The following MGLL variants were observed in gnomAD, a reference collection of about 807,000 sequenced individuals.
MGLL encodes lysophospholipase homolog.
Under a neutral mutation model 29.1 loss-of-function variants are expected in MGLL, and 7 were observed. The observed-to-expected ratio is 0.24, with a 90% CI of 0.14 to 0.45. The LOEUF is 0.45. MGLL is among the 20% of genes least tolerant of loss of function. MGLL has a pLI of 0.99. For synonymous variants in MGLL, 148 were observed against 168.3 expected, an observed-to-expected ratio of 0.88 and a Z score of 0.93; for missense variants, 356 against 413.6, an observed-to-expected ratio of 0.86 and a Z score of 1.21.
chr3:127,813,080 G>T (rs764977712), intron 2 of MGLL, among the ~76,000 whole-genome samples: 2 of 152,300 alleles, frequency 1.3e-5, no homozygotes, highest in Non-Finnish European at 2.9e-5. Context: ...AATGACCTGG[G>T]AAAATTGACA....
Position 127,691,936 on chromosome 3 carries a change from T to C in MGLL, c.*262A>G, listed in dbSNP as rs1455341382. 4.0e-6 allele frequency: 2 copies of C among 493,884 alleles called. No individual in the cohort carries two copies. Among genetic ancestry groups the C allele is most frequent in the Non-Finnish European group, 7.2e-6 (2 of 277,114 alleles). 30.6% of individuals were successfully genotyped at this position (493,884 alleles called of 1,614,324 possible). On this transcript the variant is annotated 3_prime_UTR_variant, in exon 8 of 8. Coordinates refer to ENST00000265052, the MANE Select transcript of MGLL (RefSeq NM_007283.7). ...GGCTTGGCTTTGTTTTCAGTGGACA[T>C]TTTAGCACATTCTTTGTGGAAAATC...
upstream of MGLL, chr3:127,822,573 C>T: frequency 1.8e-6 from 1 of 541,160 alleles, no homozygotes; most frequent in Non-Finnish European, 3.3e-6. Flanking sequence ...ACTACTAGTT[C>T]ATGTCATCAC....
chr3:127,762,385 T>C (rs953280153), intron 3 of MGLL, among the ~76,000 whole-genome samples: 9 of 152,118 alleles, frequency 5.9e-5, no homozygotes, highest in African/African-American at 2.2e-4. Flanking sequence ...CAAGACAGAC[T>C]CTGCCCATTC....
At chr3:127,775,527 T>C (rs1237753656) in intron 3 of MGLL, among the ~76,000 whole-genome samples, 1 of 152,058 alleles carries the variant, frequency 6.6e-6, no homozygotes, top group African/African-American at 2.4e-5. Flanking sequence ...GAACCACGCG[T>C]AACTGCCGCC....
intron 3 of MGLL, among the ~76,000 whole-genome samples, chr3:127,745,710 C>G (rs1424598757): frequency 1.3e-5 from 2 of 152,130 alleles, no homozygotes; most frequent in Non-Finnish European, 2.9e-5. Context: ...AAAAAGAAAG[C>G]CTGCTTCAGG....
At chr3:127,821,318 A>T (rs568567243) in intron 2 of MGLL, among the ~76,000 whole-genome samples, 1 of 152,292 alleles carries the variant, frequency 6.6e-6, no homozygotes, top group African/African-American at 2.4e-5. Context: ...GTGAAGATAT[A>T]TGTATTACTT....
chr3:127,808,054 C>A (rs1238422038), intron 2 of MGLL, among the ~76,000 whole-genome samples: 1 of 152,132 alleles, frequency 6.6e-6, no homozygotes, highest in Non-Finnish European at 1.5e-5. Flanking sequence ...GCCACCATGC[C>A]TGGACGAAAA....
chr3:127,747,387 A>C (rs1407933238), intron 3 of MGLL, among the ~76,000 whole-genome samples: 2 of 152,002 alleles, frequency 1.3e-5, no homozygotes, highest in Non-Finnish European at 2.9e-5. Flanking sequence ...TAGAGGTCCA[A>C]CTCCAGTGTT....
chr3:127,785,037 G>A (rs2077189664), intron 2 of MGLL, among the ~76,000 whole-genome samples: 1 of 152,138 alleles, frequency 6.6e-6, no homozygotes, highest in Non-Finnish European at 1.5e-5. Flanking sequence ...TTTAACAACT[G>A]GGGGTGGGGG....
chr3:127,766,480 C>G (rs990490867), intron 3 of MGLL, among the ~76,000 whole-genome samples: 1 of 152,208 alleles, frequency 6.6e-6, no homozygotes, highest in South Asian at 2.1e-4. Context: ...CCAAACCCCT[C>G]TCTTGAGTGG....
chr3:127,691,412 T>C lies in MGLL; in HGVS notation c.*786A>G, dbSNP rs895227344. The C allele has an allele frequency of 2.6e-5, 4 of 152,276 alleles. No individual in the cohort carries two copies. The highest frequency in any genetic ancestry group is 5.9e-5 in the Non-Finnish European group (4 of 68,076). 9.4% of individuals were successfully genotyped at this position (152,276 alleles called of 1,614,324 possible). On this transcript the variant is annotated 3_prime_UTR_variant, in exon 8 of 8. Coordinates refer to ENST00000265052, the MANE Select transcript of MGLL (RefSeq NM_007283.7). Reference sequence around the variant, plus strand: ...TATATTAGACATTTCATCTTCAATATGATTCTCTCATAGCATCAGGTAAAA... The same window carrying C: ...TATATTAGACATTTCATCTTCAATACGATTCTCTCATAGCATCAGGTAAAA...
intron 3 of MGLL, among the ~76,000 whole-genome samples, chr3:127,731,153 T>C (rs1022536574): frequency 6.6e-6 from 1 of 152,198 alleles, no homozygotes; most frequent in Non-Finnish European, 1.5e-5. Flanking sequence ...GCATCTGTAA[T>C]GAGAATTCTT....
At chr3:127,705,789 A>AAAAGAAG (rs1002222113) in intron 6 of MGLL, among the ~76,000 whole-genome samples, 1 of 151,192 alleles carries the variant, frequency 6.6e-6, no homozygotes, top group African/African-American at 2.4e-5. Context: ...AAAAAAAAAA[A>AAAAGAAG]AAGAAGAAGA....
chr3:127,742,576 C>T lies in MGLL; in HGVS notation c.263-20010G>A, dbSNP rs376376709. 1.2e-3 allele frequency among the ~76,000 whole-genome samples: 132 copies of T among 111,684 alleles called. 1 individual carries two copies. The highest frequency in any genetic ancestry group is 4.5e-3 in the African/African-American group (123 of 27,238). 73.3% of individuals were successfully genotyped at this position (111,684 alleles called of 152,430 possible). A position where few individuals can be genotyped will look rare whatever the true frequency, so the allele number is the denominator to read the frequency against. On this transcript the variant is annotated intron_variant, in intron 3 of 7. Transcript: ENST00000265052. ...CTGCACTCCAGCCTGGGAGACAGAG[C>T]GAGACTCCGTCCCAAAAAAAAAAAA...
At chr3:127,748,167 G>A (rs1050100082) in intron 3 of MGLL, among the ~76,000 whole-genome samples, 34 of 152,166 alleles carry the variant, frequency 2.2e-4, no homozygotes, top group African/African-American at 7.5e-4. Flanking sequence ...ACACGGGCAG[G>A]GCTGGTTTAA....
At chr3:127,821,495 A>T (rs1313970609) in intron 2 of MGLL, among the ~76,000 whole-genome samples, 199 bp downstream of exon 2, 3 of 152,228 alleles carry the variant, frequency 2.0e-5, no homozygotes, top group African/African-American at 7.2e-5. Context: ...ATGAAAAAAG[A>T]ATTCCTGCTT....
chr3:127,757,303 G>A (rs1162829620), intron 3 of MGLL, among the ~76,000 whole-genome samples: 9 of 152,074 alleles, frequency 5.9e-5, no homozygotes, highest in Non-Finnish European at 8.8e-5. Flanking sequence ...GTTGAGTTTC[G>A]GGGGTATTTG....
chr3:127,694,281 AAAAAAATATATAT>A lies in MGLL; in HGVS notation c.816+681_816+693del, dbSNP rs2075304856. Among the ~76,000 whole-genome samples the A allele has an allele frequency of 6.8e-5, 8 of 117,798 alleles. No homozygotes were observed. In the South Asian group the frequency reaches 2.2e-3, roughly 32 times the overall value. The allele number at this position is 117,798 out of a possible 152,430, so 77.3% of individuals were successfully genotyped here. On this transcript the variant is annotated intron_variant, in intron 7 of 7. Coordinates refer to ENST00000265052, the MANE Select transcript of MGLL (RefSeq NM_007283.7). ...GGATACTCTGTCTGAAAAAAAAAAAAAAAAAATATATATATATATATATATATGTATGTGTGTA... is the reference window on the plus strand; with the variant it reads ...GGATACTCTGTCTGAAAAAAAAAAAAATATATATATATATGTATGTGTGTA...
chr3:127,792,539 C>A (rs2077318185), intron 2 of MGLL, among the ~76,000 whole-genome samples: 1 of 152,124 alleles, frequency 6.6e-6, no homozygotes, highest in Non-Finnish European at 1.5e-5. Flanking sequence ...CCGTTCTCTA[C>A]TAAAAATACA....
Sources: allele counts gnomAD v4.1 joint callset (sites outside exome capture counted in the v4.1 genomes callset), GRCh38; gene constraint gnomAD v4.1.1; transcripts MANE v1.5; gene names NCBI Gene and HGNC (gene_info 2026-07-23, HGNC 2026-07-21).